Variants in HTR3E observed in about 807,000 individuals in gnomAD.
HTR3E encodes the protein 5-hydroxytryptamine receptor 3E.
In HTR3E, 38 loss-of-function variants were observed where a neutral mutation model predicts 38.0. The ratio of observed to expected loss-of-function variants is 1.00; its 90% confidence interval spans 0.77 to 1.31. The LOEUF (loss-of-function observed/expected upper bound fraction) is 1.31. HTR3E is among the 50% of genes most tolerant of loss of function. The probability of loss-of-function intolerance (pLI) is 0.00; values close to 1 mark genes in which losing one functional copy is unlikely to be tolerated. For synonymous variants in HTR3E, 210 were observed against 232.9 expected (o/e 0.90, Z 0.89); for missense variants, 547 against 585.2 (o/e 0.93, Z 0.67).
At chr3:184,099,961 C>T (rs533890457) in intron 1 of HTR3E, among the ~76,000 whole-genome samples, 1 of 152,128 alleles carries the variant, frequency 6.6e-6, no homozygotes, top group African/African-American at 2.4e-5. Context: ...TAGATTTGGG[C>T]ATGCTTTGCA....
At position 184,106,760 on chromosome 3, in the gene HTR3E, C is replaced by A; in HGVS notation, c.*67C>A. 1.3e-6 allele frequency: 2 copies of A among 1,516,664 alleles called. No homozygotes were observed. The highest frequency in any genetic ancestry group is 2.8e-5 in the African/African-American group (2 of 72,614). 94.0% of individuals were successfully genotyped at this position (1,516,664 alleles called of 1,614,324 possible). A position where few individuals can be genotyped will look rare whatever the true frequency, so the allele number is the denominator to read the frequency against. On this transcript the variant is annotated 3_prime_UTR_variant, in exon 9 of 9. Transcript: ENST00000415389. This position sits in a 1 kb window ranked among gnomAD's most constrained non-coding sequence, Gnocchi z 4.1. ...CCTCCAGGGACTGGCCAGGTCTCCC[C>A]CCTTTCCTGAGTACCAACTATCATA...
chr3:184,106,041 G>C lies in HTR3E; in HGVS notation c.925+72G>C. ...AGGAAGGGAGGTATTTTGGAAAAAG[G>C]AGGCCGTATGCCTGCCAGGGTGGGA... On this transcript the variant is annotated intron_variant, in intron 7 of 8. Transcript: ENST00000415389. This position sits in a 1 kb window ranked among gnomAD's most constrained non-coding sequence, Gnocchi z 4.1. The C allele has an allele frequency of 6.2e-7, 1 of 1,610,060 alleles. No individual in the cohort carries two copies. The highest frequency in any genetic ancestry group is 8.5e-7 in the Non-Finnish European group (1 of 1,176,918).
At chr3:184,098,759 G>T (rs940240874) in intron 1 of HTR3E, among the ~76,000 whole-genome samples, 19 of 152,134 alleles carry the variant, frequency 1.2e-4, no homozygotes, top group African/African-American at 4.6e-4. Context: ...AAGAGGGTGG[G>T]ACGGGTCAGG....
At chr3:184,104,361 G>T in intron 4 of HTR3E, 70 bp downstream of exon 4, 1 of 1,548,784 alleles carries the variant, frequency 6.5e-7, no homozygotes, top group South Asian at 1.2e-5. Context: ...GTTTACCATT[G>T]GGGCCACTGT....
At position 184,106,208 on chromosome 3, in the gene HTR3E, G is replaced by A. The variant is rs763357983; in HGVS notation, c.1006G>A (p.Ala336Thr). 4 of 1,612,608 alleles carry A rather than the reference G, an allele frequency of 2.5e-6. No individual in the cohort carries two copies. Among genetic ancestry groups the A allele is most frequent in the Non-Finnish European group, 2.5e-6 (3 of 1,179,956 alleles). Reference sequence around the variant, plus strand: ...CTTCATCACCCACCTGCTGCACGTGGCCACCACCCAGCCCCCACCCCTGCC... The same window carrying A: ...CTTCATCACCCACCTGCTGCACGTGACCACCACCCAGCCCCCACCCCTGCC... ...TIFITHLLHV[A>T]TTQPPPLPRW... Residue 336 changes from alanine (A) to threonine (T), a missense_variant, in exon 8 of 9, where the codon GCC (alanine) becomes ACC (threonine). Transcript: ENST00000415389. This position sits in a 1 kb window ranked among gnomAD's most constrained non-coding sequence, Gnocchi z 4.1.
In HTR3E at chr3:184,104,737, A is replaced by AAG. The variant is rs772651609; in HGVS notation, c.390-40_390-39dup. The AAG allele has an allele frequency of 2.7e-4, 352 of 1,311,428 alleles. 4 individuals carry two copies. In the Admixed American group the frequency reaches 4.2e-3, roughly 16 times the overall value. 81.2% of individuals were successfully genotyped at this position (1,311,428 alleles called of 1,614,324 possible). On this transcript the variant is annotated intron_variant, in intron 4 of 8. Coordinates refer to ENST00000415389, the MANE Select transcript of HTR3E (RefSeq NM_001256613.2). Reference sequence around the variant, plus strand: ...GTCTCAAAAAAAAAAAAAAAAAAAAAAGAGAGAGAGAAACTGCAGCACCTG... The same window carrying AAG: ...GTCTCAAAAAAAAAAAAAAAAAAAAAAGAGAGAGAGAGAAACTGCAGCACCTG...
Position 184,104,830 on chromosome 3 carries a change from A to C in HTR3E, c.433A>C (p.Ser145Arg), listed in dbSNP as rs777604583. The change falls in exon 5 of 9, where the codon AGT becomes CGT. Residue 145 changes from serine (S) to arginine (R), a missense_variant. Transcript: ENST00000415389. ...CCCAAAAGGCCTCACAGCATATGTAAGTAATGAAGGTCGCATCAGGTATAA... is the reference window on the plus strand; with the variant it reads ...CCCAAAAGGCCTCACAGCATATGTACGTAATGAAGGTCGCATCAGGTATAA... Reference protein sequence around the residue: ...KTPKGLTAYVSNEGRIRYKKP... With the variant: ...KTPKGLTAYVRNEGRIRYKKP... The C allele has an allele frequency of 6.2e-7, 1 of 1,614,148 alleles. No individual in the cohort carries two copies. Among genetic ancestry groups the C allele is most frequent in the Non-Finnish European group, 8.5e-7 (1 of 1,180,004 alleles).
At chr3:184,102,095 G>A (rs373887390) in intron 3 of HTR3E, among the ~76,000 whole-genome samples, 3 of 152,256 alleles carry the variant, frequency 2.0e-5, no homozygotes, top group African/African-American at 7.2e-5. Context: ...GTCAAACTTT[G>A]TATCAATGAC....
chr3:184,099,381 C>T (rs1024226500), intron 1 of HTR3E, among the ~76,000 whole-genome samples: 12 of 151,752 alleles, frequency 7.9e-5, no homozygotes, highest in Admixed American at 2.6e-4. Flanking sequence ...TAGAGTGAGT[C>T]GCTGTCTCAA....
rs144005361 is a variant in HTR3E, at chr3:184,100,548, C to T, written c.131C>T (p.Ala44Val). The change falls in exon 2 of 9, where the codon GCT (alanine) becomes GTT (valine). Residue 44 changes from alanine (A) to valine (V), a missense_variant. Ala to Val is a moderately conservative substitution (Grantham distance 64). Coordinates refer to ENST00000415389, the MANE Select transcript of HTR3E (RefSeq NM_001256613.2). ...GFGQHGADPT[A>V]LNSVFNRKPF... ...GGCCAGCACGGGGCGGATCCCACTGCTCTGAATTCAGTGTTTAATAGAAAG... is the reference window on the plus strand; with the variant it reads ...GGCCAGCACGGGGCGGATCCCACTGTTCTGAATTCAGTGTTTAATAGAAAG... 5.8e-5 allele frequency: 93 copies of T among 1,614,164 alleles called. No individual in the cohort carries two copies. The African/African-American group carries it at 1.1e-3, about 19-fold the overall frequency.
chr3:184,105,345 G>C lies in HTR3E; in HGVS notation c.638G>C (p.Gly213Ala), dbSNP rs1484797482. 1 of 1,614,006 alleles carries C rather than the reference G, an allele frequency of 6.2e-7. No individual in the cohort carries two copies. Among genetic ancestry groups the C allele is most frequent in the African/African-American group, 1.3e-5 (1 of 74,932 alleles). ...DASRNILQTH[G>A]EWELLGLSKA... ...TCCCGGAACATCCTTCAGACCCATG[G>C]AGAATGGGAGCTCCTGGGCCTCAGC... Residue 213 changes from glycine to alanine, a missense_variant, in exon 6 of 9, where the codon GGA becomes GCA. Coordinates refer to ENST00000415389, the MANE Select transcript of HTR3E (RefSeq NM_001256613.2).
intron 3 of HTR3E, among the ~76,000 whole-genome samples, chr3:184,102,474 C>T (rs573281740): frequency 2.1e-4 from 20 of 96,072 alleles, no homozygotes; most frequent in Admixed American, 1.2e-3. Flanking sequence ...ACACCGGGGC[C>T]TGTTGTGGGG....
In HTR3E at chr3:184,106,593, G is replaced by C. The variant is rs2108996186; in HGVS notation, c.1271G>C (p.Trp424Ser). 6.2e-7 allele frequency: 1 copy of C among 1,614,180 alleles called. No homozygotes were observed. The highest frequency in any genetic ancestry group is 8.5e-7 in the Non-Finnish European group (1 of 1,180,028). ...CAGAAGCAGCACTCAGTGGAGCTGT[G>C]GTTGCAGTTCAGCCACGCGATGGAC... ...EAQKQHSVEL[W>S]LQFSHAMDAM... The change falls in exon 9 of 9, where the codon TGG (tryptophan) becomes TCG (serine). Residue 424 changes from tryptophan to serine, a missense_variant. Transcript: ENST00000415389. The surrounding 1 kb of genome is among the most constrained non-coding windows in gnomAD (Gnocchi z 4.1).
intron 1 of HTR3E, among the ~76,000 whole-genome samples, chr3:184,098,610 G>GC (rs11372845): frequency 0.57 from 86,819 of 151,968 alleles, 26,510 homozygotes; most frequent in African/African-American, 0.79. Context: ...TTAAGAATTT[G>GC]CTGGAAAGCA....
intron 1 of HTR3E, 82 bp downstream of exon 1, chr3:184,097,678 T>C (rs1187300294): frequency 4.0e-6 from 4 of 1,011,460 alleles, no homozygotes; most frequent in Non-Finnish European, 5.9e-6. Flanking sequence ...TTTTCAAATT[T>C]CCAACTCCTA....
At position 184,106,834 on chromosome 3, in the gene HTR3E, G is replaced by A; in HGVS notation, c.*141G>A. 1.2e-6 allele frequency: 1 copy of A among 853,724 alleles called. No homozygotes were observed. 52.9% of individuals were successfully genotyped at this position (853,724 alleles called of 1,614,324 possible). A position where few individuals can be genotyped will look rare whatever the true frequency, so the allele number is the denominator to read the frequency against. ...GCTGTATTCCATGTATCCCAATCCG[G>A]TCCTGCTGATCAATTCCAATCCCAG... On this transcript the variant is annotated 3_prime_UTR_variant, in exon 9 of 9. Transcript: ENST00000415389. The surrounding 1 kb of genome is among the most constrained non-coding windows in gnomAD (Gnocchi z 4.1).
Position 184,101,043 on chromosome 3 carries a change from A to C in HTR3E, c.234+392A>C, listed in dbSNP as rs144749200. ...ACTGCAACCTCCACCTCCTGGGCTC[A>C]AGCGATTCTCCTGCCTCAGCCTCCC... On this transcript the variant is annotated intron_variant, in intron 2 of 8. Transcript: ENST00000415389. Among the ~76,000 whole-genome samples the C allele has an allele frequency of 4.0e-3, 610 of 152,266 alleles. 18 individuals are homozygous for C. In the East Asian group the frequency reaches 0.046, roughly 12 times the overall value.
chr3:184,105,813 C>A lies in HTR3E; in HGVS notation c.769C>A (p.Pro257Thr), dbSNP rs1459701046. ...TCTCTATGTCATAAACCTTCTCGTG[C>A]CCAGTGGCTTTCTGGTTGCCATCGA... Reference protein sequence around the residue: ...PSLYVINLLVPSGFLVAIDAL... With the variant: ...PSLYVINLLVTSGFLVAIDAL... Residue 257 changes from proline (P) to threonine (T), a missense_variant, in exon 7 of 9, where the codon CCC (proline) becomes ACC (threonine). By Grantham distance (38) the Pro-to-Thr change is conservative. Transcript: ENST00000415389. 1 of 1,614,138 alleles carries A rather than the reference C, an allele frequency of 6.2e-7. No individual in the cohort carries two copies. Among genetic ancestry groups the A allele is most frequent in the Non-Finnish European group, 8.5e-7 (1 of 1,180,010 alleles).
At position 184,105,542 on chromosome 3, in the gene HTR3E, T is replaced by C. The variant is rs1002169787; in HGVS notation, c.720+115T>C. ...GGTCTCCCAATGTTACCCTCTCTCC[T>C]GGCTTCCCAGCCTCATTCTTCATCC... is the stretch of plus-strand genomic sequence containing the variant. On this transcript the variant is annotated intron_variant, in intron 6 of 8. Transcript: ENST00000415389. 4.1e-6 allele frequency: 5 copies of C among 1,232,502 alleles called. No individual in the cohort carries two copies. The African/African-American group carries it at 6.1e-5, about 15-fold the overall frequency. The allele number at this position is 1,232,502 out of a possible 1,614,324, so 76.3% of individuals were successfully genotyped here.
Sources: allele counts gnomAD v4.1 joint callset (sites outside exome capture counted in the v4.1 genomes callset), GRCh38; gene constraint gnomAD v4.1.1; non-coding constraint Gnocchi (gnomAD v3.1); transcripts MANE v1.5; gene names NCBI Gene and HGNC (gene_info 2026-07-23, HGNC 2026-07-21).